Variants in VWA3B observed in about 807,000 individuals in gnomAD.
VWA3B encodes the protein von Willebrand factor A domain-containing protein 3B.
In VWA3B, 138 loss-of-function variants were observed where a neutral mutation model predicts 158.3. The observed-to-expected ratio is 0.87, with a 90% CI of 0.76 to 1.00. The LOEUF is 1.00. Ranked by LOEUF, VWA3B falls within the 50% of genes least tolerant of loss-of-function variation. The pLI is 0.00. For synonymous variants in VWA3B, 596 were observed against 587.3 expected (o/e 1.01, Z -0.21); for missense variants, 1,555 against 1,565.1 (o/e 0.99, Z 0.11).
At chr2:98,148,610 T>TCA (rs1677360942) in intron 7 of VWA3B, among the ~76,000 whole-genome samples, 1 of 152,228 alleles carries the variant, frequency 6.6e-6, no homozygotes, top group Non-Finnish European at 1.5e-5. Flanking sequence ...TGCCTGAGTT[T>TCA]AAAACAAAAG....
chr2:98,318,201 C>T (rs181183062), downstream of VWA3B, among the ~76,000 whole-genome samples: 16 of 152,264 alleles, frequency 1.1e-4, no homozygotes, highest in South Asian at 2.1e-4. Flanking sequence ...TACAATTTGA[C>T]CCAGCAATCC....
chr2:98,216,988 C>CCCT (rs546622410), intron 13 of VWA3B: 18 of 1,250,508 alleles, frequency 1.4e-5, no homozygotes, highest in East Asian at 1.1e-4. Flanking sequence ...AAGCACCCGC[C>CCCT]CCGCACCCAG....
chr2:98,281,501 A>AT (rs1688874435), intron 22 of VWA3B, among the ~76,000 whole-genome samples: 1 of 152,294 alleles, frequency 6.6e-6, no homozygotes, highest in South Asian at 2.1e-4. Context: ...CAGGAAAAGT[A>AT]TTTAGTAGTG....
At chr2:98,227,422 C>A (rs145986749) in intron 14 of VWA3B, among the ~76,000 whole-genome samples, 56 of 152,290 alleles carry the variant, frequency 3.7e-4, no homozygotes, top group African/African-American at 1.3e-3. Context: ...TGAAAGCCGA[C>A]GTCCATGCAA....
intron 7 of VWA3B, among the ~76,000 whole-genome samples, chr2:98,145,649 G>A (rs1677120456): frequency 6.6e-6 from 1 of 151,832 alleles, no homozygotes; most frequent in Non-Finnish European, 1.5e-5. Flanking sequence ...CTCACAGTGA[G>A]TTCCATAGCA....
intron 7 of VWA3B, among the ~76,000 whole-genome samples, chr2:98,151,465 C>G (rs1677630051): frequency 6.6e-6 from 1 of 152,196 alleles, no homozygotes; most frequent in African/African-American, 2.4e-5. Context: ...CGCTATGTGC[C>G]ACATTTAAGG....
At chr2:98,219,972 G>A (rs2105617073) in intron 14 of VWA3B, among the ~76,000 whole-genome samples, 1 of 152,162 alleles carries the variant, frequency 6.6e-6, no homozygotes, top group African/African-American at 2.4e-5. Flanking sequence ...AGACCAGCCT[G>A]AGCGACACGG....
chr2:98,116,361 T>A (rs1674531770), intron 3 of VWA3B, among the ~76,000 whole-genome samples: 1 of 152,248 alleles, frequency 6.6e-6, no homozygotes. Flanking sequence ...GGTAAATTTT[T>A]TTTTTTTGAG....
intron 3 of VWA3B, among the ~76,000 whole-genome samples, chr2:98,116,745 A>G (rs1012469876): frequency 6.6e-6 from 1 of 152,184 alleles, no homozygotes. Context: ...AGCTCAAGCA[A>G]TCCGCCTGCC....
rs370419726 is a variant in VWA3B at position 98,311,962 on chromosome 2, C to T, written c.3665C>T (p.Ser1222Leu). 1.2e-6 allele frequency: 2 copies of T among 1,604,870 alleles called. No individual in the cohort carries two copies. Among genetic ancestry groups the T allele is most frequent in the Non-Finnish European group, 1.7e-6 (2 of 1,175,738 alleles). The change falls in exon 27 of 28, where the codon TCG (serine) becomes TTG (leucine). Residue 1222 changes from serine (S) to leucine (L), a missense_variant. Ser to Leu is a moderately radical substitution (Grantham distance 145, BLOSUM62 -2). Coordinates refer to ENST00000477737, the MANE Select transcript of VWA3B (RefSeq NM_144992.5). ...CAGCCACTCCAGCAGGCGGCGCCCTCGGACTCGGACGGCTCCTCCCACGGC... is the reference window on the plus strand; with the variant it reads ...CAGCCACTCCAGCAGGCGGCGCCCTTGGACTCGGACGGCTCCTCCCACGGC... Reference protein sequence around the residue: ...AKQPLQQAAPSDSDGSSHGIS... With the variant: ...AKQPLQQAAPLDSDGSSHGIS...
chr2:98,137,499 T>C (rs1676378021), intron 7 of VWA3B, among the ~76,000 whole-genome samples: 1 of 152,258 alleles, frequency 6.6e-6, no homozygotes, highest in South Asian at 2.1e-4. Flanking sequence ...TATCACAATT[T>C]CAAATAAAGA....
At chr2:98,180,976 C>T (rs1273848732) in intron 8 of VWA3B, 40 bp from the exon 9 acceptor site, 2 of 1,599,052 alleles carry the variant, frequency 1.3e-6, no homozygotes. Flanking sequence ...ATATGAATGG[C>T]TCATGCAGTA....
chr2:98,202,972 A>G (rs1682691696), intron 12 of VWA3B, among the ~76,000 whole-genome samples: 1 of 152,224 alleles, frequency 6.6e-6, no homozygotes, highest in South Asian at 2.1e-4. Context: ...AGCTAGGCCT[A>G]CAGGCATGTA....
chr2:98,283,346 C>T (rs1688990401), intron 22 of VWA3B, among the ~76,000 whole-genome samples: 1 of 152,170 alleles, frequency 6.6e-6, no homozygotes, highest in Non-Finnish European at 1.5e-5. Flanking sequence ...CTCGTGGTCT[C>T]AGTGACCAAA....
chr2:98,113,645 A>G (rs1258024509), intron 2 of VWA3B, among the ~76,000 whole-genome samples: 1 of 152,186 alleles, frequency 6.6e-6, no homozygotes, highest in African/African-American at 2.4e-5. Flanking sequence ...ACTATTTAGA[A>G]TGTTTTTATC....
In VWA3B at chr2:98,193,004, T is replaced by A. The variant is rs767033168; in HGVS notation, c.1573T>A (p.Leu525Met). The change falls in exon 11 of 28, where the codon TTG becomes ATG. Residue 525 changes from leucine (L) to methionine (M), a missense_variant. Transcript: ENST00000477737. Reference sequence around the variant, plus strand: ...TCACTCAATGAAGAGCAAACTGGACTTGGTGAAGGACAAGATCATTCAGTT... The same window carrying A: ...TCACTCAATGAAGAGCAAACTGGACATGGTGAAGGACAAGATCATTCAGTT... Reference protein sequence around the residue: ...TSHSMKSKLDLVKDKIIQFIQ... With the variant: ...TSHSMKSKLDMVKDKIIQFIQ... 35 of 1,614,094 alleles carry A rather than the reference T, an allele frequency of 2.2e-5. No homozygotes were observed. The highest frequency in any genetic ancestry group is 2.8e-5 in the Non-Finnish European group (33 of 1,179,980).
intron 11 of VWA3B, among the ~76,000 whole-genome samples, chr2:98,194,125 A>G (rs1169085155): frequency 6.6e-6 from 1 of 152,200 alleles, no homozygotes; most frequent in Admixed American, 6.5e-5. Context: ...CGTGACATAT[A>G]TAATGTATAT....
chr2:98,285,950 C>G (rs1689142349), intron 22 of VWA3B, among the ~76,000 whole-genome samples: 1 of 152,058 alleles, frequency 6.6e-6, no homozygotes, highest in Admixed American at 6.5e-5. Context: ...TTTGATTTCT[C>G]TCAATGATAT....
chr2:98,164,520 A>G (rs567975325), intron 8 of VWA3B, among the ~76,000 whole-genome samples: 7 of 152,328 alleles, frequency 4.6e-5, no homozygotes, highest in Non-Finnish European at 7.4e-5. Flanking sequence ...ATTATCTCCA[A>G]CTGACAGGTG....
Sources: allele counts gnomAD v4.1 joint callset (sites outside exome capture counted in the v4.1 genomes callset), GRCh38; gene constraint gnomAD v4.1.1; transcripts MANE v1.5; gene names NCBI Gene and HGNC (gene_info 2026-07-23, HGNC 2026-07-21).